Variants in PRKCB observed in about 807,000 individuals in gnomAD.
PRKCB encodes the protein protein kinase C beta type.
A neutral mutation model predicts 81.5 loss-of-function variants in PRKCB; 13 were observed. The ratio of observed to expected loss-of-function variants is 0.16; its 90% confidence interval spans 0.10 to 0.25. The LOEUF is 0.25. PRKCB is among the 10% of genes least tolerant of loss of function. The pLI, the probability that PRKCB is intolerant of heterozygous loss-of-function variation, is 1.00. For missense variants in PRKCB, 509 were observed against 875.7 expected (o/e 0.58, Z 5.29); for synonymous variants, 335 against 321.4 (o/e 1.04, Z -0.45).
At chr16:23,963,953 T>C (rs1964456174) in intron 2 of PRKCB, 1 of 152,206 alleles carries the variant, frequency 6.6e-6, no homozygotes, top group Admixed American at 6.5e-5. Flanking sequence ...AGCAGCACCA[T>C]TGGCTCTGGT....
chr16:23,982,750 G>T (rs965163264), intron 2 of PRKCB, among the ~76,000 whole-genome samples: 7 of 152,144 alleles, frequency 4.6e-5, no homozygotes, highest in African/African-American at 1.7e-4. Context: ...TTCTGATCTT[G>T]CCTGTAATAA....
chr16:23,932,713 T>G (rs1963996472), intron 2 of PRKCB, among the ~76,000 whole-genome samples: 1 of 152,214 alleles, frequency 6.6e-6, no homozygotes, highest in Non-Finnish European at 1.5e-5. Context: ...ACCAGAGGGA[T>G]GGGGGAAGCA....
At chr16:23,980,758 A>G (rs1964687414) in intron 2 of PRKCB, among the ~76,000 whole-genome samples, 1 of 151,836 alleles carries the variant, frequency 6.6e-6, no homozygotes, top group Admixed American at 6.6e-5. Context: ...TATAGACCCC[A>G]GTAAGAATTG....
chr16:24,055,116 G>C (rs1965888925), intron 5 of PRKCB, among the ~76,000 whole-genome samples: 1 of 152,246 alleles, frequency 6.6e-6, no homozygotes, highest in African/African-American at 2.4e-5. Context: ...CTTGGGCACA[G>C]GCCAGGAGGC....
At chr16:24,064,099 A>G (rs1307990809) in intron 5 of PRKCB, among the ~76,000 whole-genome samples, 1 of 152,166 alleles carries the variant, frequency 6.6e-6, no homozygotes, top group Non-Finnish European at 1.5e-5. Flanking sequence ...AGTAAACACC[A>G]GGTTGCCGTC....
intron 3 of PRKCB, among the ~76,000 whole-genome samples, chr16:23,997,096 C>T (rs1447452214): frequency 2.0e-5 from 3 of 152,172 alleles, no homozygotes; most frequent in Non-Finnish European, 4.4e-5. Context: ...ATACTTCCAG[C>T]AGGAGACAGA....
chr16:24,027,367 T>C (rs1965494924), intron 3 of PRKCB, among the ~76,000 whole-genome samples: 1 of 152,170 alleles, frequency 6.6e-6, no homozygotes, highest in African/African-American at 2.4e-5. Flanking sequence ...GGGACTCTGA[T>C]AGGAACCTTA....
intron 10 of PRKCB, among the ~76,000 whole-genome samples, chr16:24,163,530 G>A (rs1967297090): frequency 2.0e-5 from 3 of 152,338 alleles, no homozygotes; most frequent in Non-Finnish European, 2.9e-5. Flanking sequence ...GTGGAATTCC[G>A]AGGAAGAATA....
At chr16:24,205,408 G>A (rs1968030895) in intron 16 of PRKCB, among the ~76,000 whole-genome samples, 1 of 151,532 alleles carries the variant, frequency 6.6e-6, no homozygotes, top group South Asian at 2.1e-4. Flanking sequence ...TTCCACCTGG[G>A]CCTCCCAAAG....
At chr16:24,181,964 A>G (rs1057173521) in intron 13 of PRKCB, among the ~76,000 whole-genome samples, 2 of 151,980 alleles carry the variant, frequency 1.3e-5, no homozygotes, top group African/African-American at 4.8e-5. Context: ...AAATTTAGCT[A>G]TTTCTGTATA....
At chr16:24,038,227 T>C (rs1965647999) in intron 5 of PRKCB, among the ~76,000 whole-genome samples, 1 of 151,772 alleles carries the variant, frequency 6.6e-6, no homozygotes, top group East Asian at 1.9e-4. Context: ...AGGCCAGGTG[T>C]GGTGGCTCAC....
At chr16:23,888,850 A>T (rs1382811601) in intron 2 of PRKCB, among the ~76,000 whole-genome samples, 2 of 152,152 alleles carry the variant, frequency 1.3e-5, no homozygotes, top group South Asian at 2.1e-4. Flanking sequence ...TATGTCTTAT[A>T]TAGGTCCCTG....
intron 9 of PRKCB, among the ~76,000 whole-genome samples, chr16:24,147,529 T>C (rs1456632337): frequency 6.6e-6 from 1 of 152,072 alleles, no homozygotes; most frequent in Non-Finnish European, 1.5e-5. Flanking sequence ...AAGCAAATGT[T>C]AGTGGTTGTA....
chr16:24,131,343 G>T (rs1966853127), intron 9 of PRKCB, among the ~76,000 whole-genome samples: 1 of 152,160 alleles, frequency 6.6e-6, no homozygotes. Context: ...CCAGGACACT[G>T]AACCAATGAC....
chr16:24,015,021 G>A (rs1470427630), intron 3 of PRKCB, among the ~76,000 whole-genome samples: 2 of 152,108 alleles, frequency 1.3e-5, no homozygotes, highest in South Asian at 2.1e-4. Context: ...GGCTGGTCTC[G>A]AACTCCTGGC....
chr16:24,172,227 A>C (rs1967451881), intron 10 of PRKCB, 43 bp from the exon 11 acceptor site: 1 of 1,468,140 alleles, frequency 6.8e-7, no homozygotes, highest in African/African-American at 1.4e-5. Flanking sequence ...GGAGCCCCAG[A>C]AGCTACGGGA....
chr16:24,159,715 C>T (rs905524554), intron 10 of PRKCB, among the ~76,000 whole-genome samples: 1 of 152,222 alleles, frequency 6.6e-6, no homozygotes, highest in South Asian at 2.1e-4. Context: ...ACTTTACAGC[C>T]AGGCACAGTG....
chr16:24,101,443 G>C (rs760995640), intron 7 of PRKCB, among the ~76,000 whole-genome samples: 5 of 152,214 alleles, frequency 3.3e-5, no homozygotes, highest in Non-Finnish European at 7.3e-5. Flanking sequence ...GGAGCCTGAG[G>C]TGGGAGGATC....
intron 2 of PRKCB, among the ~76,000 whole-genome samples, chr16:23,902,760 T>C (rs1426712842): frequency 1.6e-4 from 8 of 51,360 alleles, no homozygotes; most frequent in African/African-American, 5.9e-4. Context: ...CTTCCTTCCT[T>C]CCTTCCTTCC....
Sources: allele counts gnomAD v4.1 joint callset (sites outside exome capture counted in the v4.1 genomes callset), GRCh38; gene constraint gnomAD v4.1.1; transcripts MANE v1.5; gene names NCBI Gene and HGNC (gene_info 2026-07-23, HGNC 2026-07-21).